The following IFNGR2 variants were observed in gnomAD, a reference collection of about 807,000 sequenced individuals.
The protein encoded by IFNGR2 is IFN-gamma receptor 2.
In IFNGR2, 15 loss-of-function variants were observed where a neutral mutation model predicts 41.1. The observed-to-expected ratio is 0.37, with a 90% confidence interval of 0.24 to 0.56. The LOEUF is 0.56. Among genes scored for constraint, IFNGR2 ranks in the 20% least tolerant of loss-of-function variants. The pLI, the probability that IFNGR2 is intolerant of heterozygous loss-of-function variation, is 0.81. For synonymous variants in IFNGR2, 161 were observed against 171.6 expected, an observed-to-expected ratio of 0.94 and a Z score of 0.48; for missense variants, 362 against 415.7, an observed-to-expected ratio of 0.87 and a Z score of 1.12.
At chr21:33,436,466 TA>T (rs1326696086) in intron 6 of IFNGR2, among the ~76,000 whole-genome samples, 1 of 151,882 alleles carries the variant, frequency 6.6e-6, no homozygotes, top group African/African-American at 2.4e-5. Context: ...CTCACGCCTA[TA>T]ATCCCAGCAC....
rs779060231 is a variant in IFNGR2 at position 33,432,757 on chromosome 21, A to G, written c.765A>G (p.Thr255=). The change falls in exon 6 of 7, where the codon ACA becomes ACG. Residue 255 remains threonine (T), a synonymous_variant. Coordinates refer to ENST00000290219, the MANE Select transcript of IFNGR2 (RefSeq NM_005534.4). ...AAGTCATCCTGATCTCCGTGGGAAC[A>G]TTTTCGTTGCTGTCGGTGCTGGCAG... ...LQQVILISVG[T]FSLLSVLAGA... The G allele has an allele frequency of 6.2e-7, 1 of 1,613,790 alleles. No homozygotes were observed. The highest frequency in any genetic ancestry group is 8.5e-7 in the Non-Finnish European group (1 of 1,179,968).
chr21:33,416,555 G>A (rs551652016), intron 2 of IFNGR2, among the ~76,000 whole-genome samples: 1 of 152,312 alleles, frequency 6.6e-6, no homozygotes, highest in African/African-American at 2.4e-5. Context: ...AGGCATGGTG[G>A]CTCACGCCTG....
chr21:33,409,627 A>AT, intron 1 of IFNGR2, among the ~76,000 whole-genome samples: 1 of 152,218 alleles, frequency 6.6e-6, no homozygotes, highest in South Asian at 2.1e-4. Flanking sequence ...TCTACCCTCC[A>AT]TGCCAGGAAT....
chr21:33,425,596 G>A (rs539139714), intron 3 of IFNGR2, among the ~76,000 whole-genome samples: 85 of 152,372 alleles, frequency 5.6e-4, no homozygotes, highest in Admixed American at 7.8e-4. Flanking sequence ...GGAAGCTGGA[G>A]AACGTGTGTG....
At chr21:33,433,361 C>T (rs566067224) in intron 6 of IFNGR2, among the ~76,000 whole-genome samples, 5 of 152,280 alleles carry the variant, frequency 3.3e-5, no homozygotes, top group South Asian at 2.1e-4. Flanking sequence ...GGAAGCACTC[C>T]GGTGTCGTTG....
intron 4 of IFNGR2, among the ~76,000 whole-genome samples, chr21:33,429,608 C>T (rs1432594900): frequency 6.6e-6 from 1 of 152,166 alleles, no homozygotes; most frequent in Admixed American, 6.6e-5. Context: ...CATTGCTCCA[C>T]CAGCAAGCTG....
rs1381536909 is a variant in IFNGR2, at chr21:33,405,697, A to G, written c.73+2081A>G. Among the ~76,000 whole-genome samples the G allele has an allele frequency of 2.6e-5, 4 of 152,316 alleles. No homozygotes were observed. In the South Asian group the frequency reaches 6.2e-4, roughly 24 times the overall value. On this transcript the variant is annotated intron_variant, in intron 1 of 6. Coordinates refer to ENST00000290219, the MANE Select transcript of IFNGR2 (RefSeq NM_005534.4). ...TGATTAACTTTAATTGTATTCTACA[A>G]AAGTTTTGGTCTATGTGATATGTTG...
rs552896752 is a variant in IFNGR2, at chr21:33,413,012, G to A, written c.74-1876G>A. Among the ~76,000 whole-genome samples, 49 of 150,164 alleles carry A rather than the reference G, an allele frequency of 3.3e-4. No homozygotes were observed. In the Admixed American group the frequency reaches 3.3e-3, roughly 10 times the overall value. ...TCTGTGTTTCATTTCTGGCTTTGATGTCTGGGCGTCAGTTTCCCTGGGGTT... is the reference window on the plus strand; with the variant it reads ...TCTGTGTTTCATTTCTGGCTTTGATATCTGGGCGTCAGTTTCCCTGGGGTT... On this transcript the variant is annotated intron_variant, in intron 1 of 6. Transcript: ENST00000290219.
At chr21:33,421,811 T>G (rs2083795564) in intron 3 of IFNGR2, 126 bp downstream of exon 3, 4 of 804,532 alleles carry the variant, frequency 5.0e-6, no homozygotes, top group African/African-American at 1.7e-5. Flanking sequence ...GGTAGGACAG[T>G]CAAACCCACA....
chr21:33,426,741 G>T lies in IFNGR2; in HGVS notation c.413-143G>T, dbSNP rs1478552774. 2.4e-5 allele frequency: 11 copies of T among 464,398 alleles called. No individual in the cohort carries two copies. In the South Asian group the frequency reaches 5.1e-4, roughly 22 times the overall value. 28.8% of individuals were successfully genotyped at this position (464,398 alleles called of 1,614,324 possible). A position where few individuals can be genotyped will look rare whatever the true frequency, so the allele number is the denominator to read the frequency against. On this transcript the variant is annotated intron_variant, in intron 3 of 6. Transcript: ENST00000290219. The stretch of plus-strand genomic sequence containing the variant: ...TCGAAAAAATAATAATAAATAAAGA[G>T]ATAGATAAAAACGTGTGTGTATATA...
At chr21:33,420,725 A>G (rs1035263555) in intron 2 of IFNGR2, among the ~76,000 whole-genome samples, 2 of 152,158 alleles carry the variant, frequency 1.3e-5, no homozygotes, top group African/African-American at 4.8e-5. Context: ...AACTCTTACA[A>G]TTCAACAATT....
Position 33,403,490 on chromosome 21 carries a change from G to T in IFNGR2, c.-54G>T, listed in dbSNP as rs1207798812. ...GGGCGGCGACGTGAGCGGCTCCGCG[G>T]ACCCCGAGCGGGGCCCCGGCCGCGA... On this transcript the variant is annotated 5_prime_UTR_variant, in exon 1 of 7. Coordinates refer to ENST00000290219, the MANE Select transcript of IFNGR2 (RefSeq NM_005534.4). The T allele has an allele frequency of 9.1e-7, 1 of 1,102,270 alleles. No homozygotes were observed. Among genetic ancestry groups the T allele is most frequent in the African/African-American group, 1.7e-5 (1 of 59,798 alleles). The allele number at this position is 1,102,270 out of a possible 1,614,324, so 68.3% of individuals were successfully genotyped here.
chr21:33,436,232 G>A (rs1030641250), intron 6 of IFNGR2, among the ~76,000 whole-genome samples: 1 of 151,596 alleles, frequency 6.6e-6, no homozygotes, highest in Non-Finnish European at 1.5e-5. Flanking sequence ...GTGCATGCCT[G>A]TAATCCCAGC....
chr21:33,432,998 G>A (rs568350481), intron 6 of IFNGR2, 127 bp downstream of exon 6: 12 of 785,260 alleles, frequency 1.5e-5, no homozygotes, highest in African/African-American at 1.4e-4. Flanking sequence ...CGATTCTCCT[G>A]CCTCAGCCTC....
In IFNGR2 at chr21:33,432,203, C is replaced by T; in HGVS notation, c.588C>T (p.Ser196=). The part of the protein sequence containing the change: ...QQVKGPFRSN[S]ISLDNLKPSR... ...TCAAAGGCCCTTTCAGAAGCAACTCCATTTCATTGGATAACTTAAAACCCT... is the reference window on the plus strand; with the variant it reads ...TCAAAGGCCCTTTCAGAAGCAACTCTATTTCATTGGATAACTTAAAACCCT... Residue 196 remains serine, a synonymous_variant, in exon 5 of 7, where the codon TCC becomes TCT. Transcript: ENST00000290219. 6.2e-7 allele frequency: 1 copy of T among 1,614,126 alleles called. No homozygotes were observed.
chr21:33,430,005 G>C (rs563042079), intron 4 of IFNGR2, among the ~76,000 whole-genome samples: 6 of 152,300 alleles, frequency 3.9e-5, no homozygotes, highest in Admixed American at 3.9e-4. Flanking sequence ...CAGGCGTGGT[G>C]GTGGGCACCT....
At chr21:33,430,804 C>T (rs2123365400) in intron 4 of IFNGR2, among the ~76,000 whole-genome samples, 1 of 152,188 alleles carries the variant, frequency 6.6e-6, no homozygotes, top group African/African-American at 2.4e-5. Flanking sequence ...AATAATCTGC[C>T]TTTTTTCAGT....
At chr21:33,420,118 A>C (rs546813226) in intron 2 of IFNGR2, among the ~76,000 whole-genome samples, 63 of 152,240 alleles carry the variant, frequency 4.1e-4, no homozygotes, top group African/African-American at 1.5e-3. Flanking sequence ...CTGGCCACGC[A>C]TCTTGAAGTG....
chr21:33,403,846 T>G lies in IFNGR2; in HGVS notation c.73+230T>G, dbSNP rs9975155. ...GGTGCCCAGGGCTAGAGGGGCCCGC[T>G]GGGAGCCCGCAGCGGGGCTGGGATG... is the stretch of plus-strand genomic sequence containing the variant. On this transcript the variant is annotated intron_variant, in intron 1 of 6. Coordinates refer to ENST00000290219, the MANE Select transcript of IFNGR2 (RefSeq NM_005534.4). 0.27 allele frequency among the ~76,000 whole-genome samples: 40,887 copies of G among 151,804 alleles called. 8,039 individuals carry two copies. Among genetic ancestry groups the G allele is most frequent in the African/African-American group, 0.54 (22,387 of 41,438 alleles).
Sources: allele counts gnomAD v4.1 joint callset (sites outside exome capture counted in the v4.1 genomes callset), GRCh38; gene constraint gnomAD v4.1.1; transcripts MANE v1.5; gene names NCBI Gene and HGNC (gene_info 2026-07-23, HGNC 2026-07-21).